Variants in ROBO2 observed in about 807,000 individuals in gnomAD.
ROBO2 encodes roundabout homolog 2.
ROBO2 carries 53 observed loss-of-function variants against 160.8 expected under a neutral mutation model. That is an observed-to-expected ratio of 0.33 (90% CI 0.26 to 0.41). The LOEUF is 0.41. Ranked by LOEUF, ROBO2 falls within the 10% of genes least tolerant of loss-of-function variation. The pLI, the probability that ROBO2 is intolerant of heterozygous loss-of-function variation, is 1.00. For missense variants in ROBO2, 1,577 were observed against 1,722.4 expected, an observed-to-expected ratio of 0.92 and a Z score of 1.49; for synonymous variants, 664 against 611.7, an observed-to-expected ratio of 1.09 and a Z score of -1.26.
chr3:76,669,666 G>A (rs1291725922), intron 2 of ROBO2, among the ~76,000 whole-genome samples: 2 of 152,142 alleles, frequency 1.3e-5, no homozygotes, highest in East Asian at 3.8e-4. Context: ...TCCATCAACC[G>A]GGGACGGGGA....
intron 2 of ROBO2, among the ~76,000 whole-genome samples, chr3:76,528,340 AC>A (rs1241979870): frequency 6.6e-6 from 1 of 152,044 alleles, no homozygotes; most frequent in African/African-American, 2.4e-5. Flanking sequence ...AATTACAAGA[AC>A]CCAGGGAAGA....
intron 2 of ROBO2, among the ~76,000 whole-genome samples, chr3:76,098,709 C>CAA (rs2069559687): frequency 6.6e-6 from 1 of 151,920 alleles, no homozygotes; most frequent in African/African-American, 2.4e-5. Flanking sequence ...TGGCTCTTAA[C>CAA]AAAGTAAACA....
intron 2 of ROBO2, among the ~76,000 whole-genome samples, chr3:76,193,191 G>A (rs1024088527): frequency 2.0e-5 from 3 of 151,944 alleles, no homozygotes; most frequent in African/African-American, 7.3e-5. Context: ...TTGTAGCTGT[G>A]TTTACTTGGG....
intron 2 of ROBO2, among the ~76,000 whole-genome samples, chr3:76,071,610 T>G (rs949480242): frequency 2.0e-5 from 3 of 152,138 alleles, no homozygotes; most frequent in African/African-American, 7.2e-5. Flanking sequence ...AAGCTTTTAC[T>G]TTGATTTCTG....
chr3:76,146,937 A>G lies in ROBO2; in HGVS notation c.109+209335A>G, dbSNP rs934680453. On this transcript the variant is annotated intron_variant, in intron 2 of 26. Coordinates refer to the ROBO2 transcript ENST00000487694. The stretch of plus-strand genomic sequence containing the variant: ...ACACACACAAACACATATACCCTGT[A>G]TAGAGGGGAACAACACACAATGGGG... Among the ~76,000 whole-genome samples, 110 of 149,456 alleles carry G rather than the reference A, an allele frequency of 7.4e-4. 1 individual carries two copies. Among genetic ancestry groups the G allele is most frequent in the Non-Finnish European group, 3.1e-4 (21 of 67,196 alleles).
At chr3:76,816,397 A>G (rs1030431439) in intron 2 of ROBO2, among the ~76,000 whole-genome samples, 7 of 152,120 alleles carry the variant, frequency 4.6e-5, no homozygotes, top group African/African-American at 1.4e-4. Context: ...GTACAGAATT[A>G]TCAACAAGAA....
intron 2 of ROBO2, among the ~76,000 whole-genome samples, chr3:76,440,508 A>G (rs1416959552): frequency 6.6e-6 from 1 of 152,120 alleles, no homozygotes; most frequent in Non-Finnish European, 1.5e-5. Flanking sequence ...AGAGAAGTAG[A>G]AAAAGGAAGA....
intron 2 of ROBO2, among the ~76,000 whole-genome samples, chr3:77,124,794 A>G (rs2075157548): frequency 6.6e-6 from 1 of 151,996 alleles, no homozygotes; most frequent in Admixed American, 6.6e-5. Context: ...ATCCATTATA[A>G]TTTCTTACAG....
chr3:75,991,294 C>G (rs1475670924), intron 2 of ROBO2, among the ~76,000 whole-genome samples: 3 of 152,132 alleles, frequency 2.0e-5, no homozygotes, highest in African/African-American at 7.2e-5. Flanking sequence ...CCACCCAAAT[C>G]TCATCTTGAA....
chr3:77,237,292 C>T (rs1000656556), intron 2 of ROBO2, among the ~76,000 whole-genome samples: 1 of 149,854 alleles, frequency 6.7e-6, no homozygotes, highest in African/African-American at 2.5e-5. Context: ...GTCTCAACTT[C>T]CCAGCCTCAA....
At chr3:77,050,681 T>A (rs913569403) in intron 1 of ROBO2, among the ~76,000 whole-genome samples, 1 of 151,176 alleles carries the variant, frequency 6.6e-6, no homozygotes, top group South Asian at 2.1e-4. Context: ...GCATTGTAAT[T>A]GTTTTCGCAT....
At chr3:76,962,296 T>G (rs1049009907) in intron 2 of ROBO2, among the ~76,000 whole-genome samples, 5 of 151,628 alleles carry the variant, frequency 3.3e-5, no homozygotes, top group African/African-American at 9.7e-5. Context: ...GATCATACAT[T>G]GCACTCCAGC....
At chr3:76,567,808 T>TA (rs56837327) in intron 2 of ROBO2, among the ~76,000 whole-genome samples, 20,694 of 63,052 alleles carry the variant, frequency 0.33, 2,860 homozygotes, top group East Asian at 0.52. Flanking sequence ...TATATATATA[T>TA]TTTTTTTTTT....
chr3:76,929,128 C>A (rs997710877), intron 2 of ROBO2, among the ~76,000 whole-genome samples: 1 of 152,064 alleles, frequency 6.6e-6, no homozygotes, highest in Non-Finnish European at 1.5e-5. Flanking sequence ...GGCGTGATGG[C>A]GTTTGCTTGT....
Position 76,422,215 on chromosome 3 carries a change from G to C in ROBO2, c.109+484613G>C, listed in dbSNP as rs138770931. 1.3e-3 allele frequency among the ~76,000 whole-genome samples: 198 copies of C among 152,226 alleles called. 2 individuals are homozygous for C. The highest frequency in any genetic ancestry group is 4.6e-3 in the African/African-American group (192 of 41,548). ...TATTCAAAACAGGACCTTTTTATAAGCTTACTTTTCATTTTCTTCAGTGGT... is the reference window on the plus strand; with the variant it reads ...TATTCAAAACAGGACCTTTTTATAACCTTACTTTTCATTTTCTTCAGTGGT... On this transcript the variant is annotated intron_variant, in intron 2 of 26. Coordinates refer to the ROBO2 transcript ENST00000487694.
chr3:77,538,755 C>A, intron 6 of ROBO2: 1 of 332,724 alleles, frequency 3.0e-6, no homozygotes, highest in Non-Finnish European at 6.0e-6. Flanking sequence ...AAGAAACAAT[C>A]ACGTATCAAT....
At chr3:76,337,788 A>G (rs1347019082) in intron 2 of ROBO2, among the ~76,000 whole-genome samples, 1 of 152,178 alleles carries the variant, frequency 6.6e-6, no homozygotes, top group Admixed American at 6.5e-5. Context: ...TTGGGATTTG[A>G]ACTTGCCTTA....
chr3:76,683,189 A>G (rs771939711), intron 2 of ROBO2, among the ~76,000 whole-genome samples: 14 of 152,168 alleles, frequency 9.2e-5, no homozygotes, highest in Non-Finnish European at 2.1e-4. Flanking sequence ...AGAAAATATA[A>G]TTACCAAGGA....
At chr3:76,791,841 C>T (rs954053781) in intron 2 of ROBO2, among the ~76,000 whole-genome samples, 1 of 151,764 alleles carries the variant, frequency 6.6e-6, no homozygotes, top group Non-Finnish European at 1.5e-5. Flanking sequence ...CAAAATGATA[C>T]AGCAATTAAA....
Sources: gnomAD v4.1 joint callset for allele counts (sites outside exome capture counted in the v4.1 genomes callset) on GRCh38, gnomAD v4.1.1 for gene constraint, MANE v1.5 for transcripts, NCBI Gene and HGNC (gene_info 2026-07-23, HGNC 2026-07-21) for gene names.